The following MAST2 variants were observed in gnomAD, a reference collection of about 807,000 sequenced individuals.
MAST2 encodes microtubule associated serine/threonine kinase 2.
MAST2 carries 70 observed loss-of-function variants against 147.4 expected under a neutral mutation model. That is an observed-to-expected ratio of 0.47 (90% confidence interval 0.39 to 0.58). The LOEUF is 0.58. MAST2 is among the 20% of genes least tolerant of loss of function. The pLI, the probability that MAST2 is intolerant of heterozygous loss-of-function variation, is 0.00. For missense variants in MAST2, 2,080 were observed against 2,302.3 expected, an observed-to-expected ratio of 0.90 and a Z score of 1.98; for synonymous variants, 869 against 896.8, an observed-to-expected ratio of 0.97 and a Z score of 0.55.
At chr1:45,900,359 C>T (rs1011553972) in intron 4 of MAST2, among the ~76,000 whole-genome samples, 3 of 151,570 alleles carry the variant, frequency 2.0e-5, no homozygotes, top group Admixed American at 1.3e-4. Flanking sequence ...TCCTCACCAA[C>T]ATCTGTCATT....
At chr1:45,874,933 A>G (rs1204005877) in intron 3 of MAST2, among the ~76,000 whole-genome samples, 1 of 152,190 alleles carries the variant, frequency 6.6e-6, no homozygotes, top group Non-Finnish European at 1.5e-5. Context: ...AAAAAGAGAT[A>G]AAGAAAAGTA....
chr1:45,884,484 G>A (rs546954885), intron 4 of MAST2, among the ~76,000 whole-genome samples: 10 of 152,124 alleles, frequency 6.6e-5, no homozygotes, highest in East Asian at 1.9e-4. Context: ...TCCAGGAGAC[G>A]GAGGTTGCAG....
chr1:45,996,454 T>G (rs4660334), intron 5 of MAST2, among the ~76,000 whole-genome samples: 51,516 of 151,976 alleles, frequency 0.34, 9,116 homozygotes, highest in African/African-American at 0.43. Flanking sequence ...TCAGGATCAC[T>G]TCCCTTATAT....
chr1:45,863,885 C>G (rs1181428530), intron 3 of MAST2, among the ~76,000 whole-genome samples: 1 of 152,140 alleles, frequency 6.6e-6, no homozygotes, highest in Non-Finnish European at 1.5e-5. Context: ...ATGTGTTAAA[C>G]TCACTTCCTA....
In MAST2 at chr1:46,035,229, G is replaced by C; in HGVS notation, c.4560G>C (p.Glu1520Asp). The change falls in exon 29 of 29, where the codon GAG becomes GAC. Residue 1520 changes from glutamate to aspartate, a missense_variant. Transcript: ENST00000361297. This position sits in a 1 kb window ranked among gnomAD's most constrained non-coding sequence, Gnocchi z 5.5. ...EGPENSQGAQ[E>D]LSLAPHPEVS... ...CTGAGAACAGCCAGGGTGCACAGGA[G>C]CTGAGCTTGGCACCTCACCCAGAAG... 1 of 1,614,028 alleles carries C rather than the reference G, an allele frequency of 6.2e-7. No individual in the cohort carries two copies. Among genetic ancestry groups the C allele is most frequent in the Non-Finnish European group, 8.5e-7 (1 of 1,180,012 alleles).
intron 4 of MAST2, among the ~76,000 whole-genome samples, chr1:45,926,025 C>G (rs530971446): frequency 4.3e-4 from 66 of 152,328 alleles, no homozygotes; most frequent in Admixed American, 4.3e-3. Flanking sequence ...AGAGAAAGCA[C>G]TATTTTCATT....
intron 4 of MAST2, among the ~76,000 whole-genome samples, chr1:45,921,295 A>G (rs1404117241): frequency 2.0e-5 from 3 of 152,030 alleles, no homozygotes; most frequent in Non-Finnish European, 2.9e-5. Flanking sequence ...TGCCCAGCCT[A>G]TGTCTGTGGT....
At chr1:45,999,746 C>T (rs964158581) in intron 6 of MAST2, among the ~76,000 whole-genome samples, 3 of 152,232 alleles carry the variant, frequency 2.0e-5, no homozygotes, top group African/African-American at 2.4e-5. Flanking sequence ...CTTCCCTAAA[C>T]ATTCAATCTA....
chr1:45,966,405 G>C (rs895685186), intron 5 of MAST2, among the ~76,000 whole-genome samples: 4 of 149,106 alleles, frequency 2.7e-5, no homozygotes, highest in African/African-American at 1.0e-4. Flanking sequence ...TGAATGGTAA[G>C]AGTGTATTTG....
chr1:45,959,613 A>G, intron 5 of MAST2, 136 bp downstream of exon 5: 1 of 694,118 alleles, frequency 1.4e-6, no homozygotes, highest in South Asian at 1.9e-5. Flanking sequence ...GACAGAGCTC[A>G]TGGGCTTGCT....
Position 46,035,318 on chromosome 1 carries a change from G to A in MAST2, c.4649G>A (p.Arg1550Lys). The A allele has an allele frequency of 6.2e-7, 1 of 1,613,934 alleles. No individual in the cohort carries two copies. The highest frequency in any genetic ancestry group is 1.3e-5 in the African/African-American group (1 of 75,022). ...GGGGAAGAGGATCCTTTCCCGTCCAGAGACCCTAGGAGCCTGGGCCCAATG... is the reference window on the plus strand; with the variant it reads ...GGGGAAGAGGATCCTTTCCCGTCCAAAGACCCTAGGAGCCTGGGCCCAATG... ...ESGEEDPFPS[R>K]DPRSLGPMVP... Residue 1550 changes from arginine to lysine, a missense_variant, in exon 29 of 29, where the codon AGA (arginine) becomes AAA (lysine). Physicochemically the swap from Arg to Lys is conservative, Grantham distance 26. Coordinates refer to ENST00000361297, the MANE Select transcript of MAST2 (RefSeq NM_015112.3). The surrounding 1 kb of genome is among the most constrained non-coding windows in gnomAD (Gnocchi z 5.5).
chr1:45,992,734 A>G (rs546688448), intron 5 of MAST2, among the ~76,000 whole-genome samples: 1 of 152,198 alleles, frequency 6.6e-6, no homozygotes, highest in South Asian at 2.1e-4. Context: ...TTAAAATTCA[A>G]TCTAACAAGC....
chr1:45,894,928 T>C (rs903435886), intron 4 of MAST2, among the ~76,000 whole-genome samples: 1 of 152,234 alleles, frequency 6.6e-6, no homozygotes, highest in South Asian at 2.1e-4. Context: ...TTGATGGTTA[T>C]ATCCCACAGA....
intron 5 of MAST2, among the ~76,000 whole-genome samples, chr1:45,988,828 G>GTTGGTT (rs1428800828): frequency 2.0e-5 from 3 of 150,468 alleles, no homozygotes; most frequent in African/African-American, 2.4e-5. Context: ...TTTTTGTTTG[G>GTTGGTT]TTGGTTTTGG....
intron 4 of MAST2, among the ~76,000 whole-genome samples, chr1:45,944,619 T>C (rs889156973): frequency 1.1e-4 from 16 of 152,208 alleles, no homozygotes; most frequent in African/African-American, 3.9e-4. Context: ...CATTAGATGA[T>C]TTAATCTCCT....
chr1:45,922,973 G>A (rs1653770769), intron 4 of MAST2, among the ~76,000 whole-genome samples: 1 of 152,182 alleles, frequency 6.6e-6, no homozygotes. Context: ...GGTGAACAAT[G>A]TGGGCATGCT....
intron 4 of MAST2, among the ~76,000 whole-genome samples, chr1:45,897,436 A>G (rs956664340): frequency 1.3e-5 from 2 of 152,222 alleles, no homozygotes; most frequent in African/African-American, 4.8e-5. Context: ...CAGCACTTGT[A>G]GTTGCAACCC....
chr1:45,926,827 G>A (rs935583988), intron 4 of MAST2, among the ~76,000 whole-genome samples: 2 of 151,870 alleles, frequency 1.3e-5, no homozygotes, highest in African/African-American at 2.4e-5. Flanking sequence ...CCTTATATGC[G>A]ACAGATAGTT....
intron 3 of MAST2, among the ~76,000 whole-genome samples, chr1:45,854,227 C>T (rs371778861): frequency 6.6e-6 from 1 of 151,828 alleles, no homozygotes. Context: ...ATCTCATCTA[C>T]TCGGGAGGCT....
Sources: gnomAD v4.1 joint callset for allele counts (sites outside exome capture counted in the v4.1 genomes callset) on GRCh38, gnomAD v4.1.1 for gene constraint, Gnocchi (gnomAD v3.1) non-coding constraint, MANE v1.5 for transcripts, NCBI Gene and HGNC (gene_info 2026-07-23, HGNC 2026-07-21) for gene names.